P3H1: variants seen among roughly 807,000 people sequenced by gnomAD.
P3H1 encodes prolyl 3-hydroxylase 1, also known as growth suppressor 1.
P3H1 carries 69 observed loss-of-function variants against 84.0 expected under a neutral mutation model. The observed-to-expected ratio is 0.82, with a 90% CI of 0.68 to 1.00. P3H1 has a LOEUF of 1.00. Ranked by LOEUF, P3H1 falls within the 50% of genes least tolerant of loss-of-function variation. P3H1 has a pLI of 0.00. For missense variants in P3H1, 878 were observed against 962.8 expected (o/e 0.91, Z 1.17); for synonymous variants, 366 against 388.8 (o/e 0.94, Z 0.69).
At chr1:42,748,015 C>A (rs983105441) in intron 12 of P3H1, among the ~76,000 whole-genome samples, 185 bp downstream of exon 12, 2 of 152,240 alleles carry the variant, frequency 1.3e-5, no homozygotes, top group Non-Finnish European at 2.9e-5. Context: ...TCTTGTCACA[C>A]CACGATATGA....
rs749427962 is a variant in P3H1, at chr1:42,766,766, C to G, written c.206G>C (p.Arg69Pro). ...GGTGCGGCAGCGCAGGCGAAGGGCG[C>G]GGAGGGCTGCCCGGGAGCGCAGCGC... The part of the protein sequence containing the change: ...ERALRSRAAL[R>P]ALRLRCRTQC... The change falls in exon 1 of 15, where the codon CGC becomes CCC. Residue 69 changes from arginine to proline, a missense_variant. Transcript: ENST00000296388. 3 of 1,593,264 alleles carry G rather than the reference C, an allele frequency of 1.9e-6. No individual in the cohort carries two copies. The African/African-American group carries it at 4.0e-5, about 21-fold the overall frequency.
chr1:42,746,605 C>T lies in P3H1; in HGVS notation c.*92G>A. On this transcript the variant is annotated 3_prime_UTR_variant, in exon 15 of 15. Coordinates refer to ENST00000296388, the MANE Select transcript of P3H1 (RefSeq NM_022356.4). ...CGGCTGAGTGGCAGATGTAGGCTCACTGCTCTGCAGCCCCGAGGGGCTGGC... is the reference window on the plus strand; with the variant it reads ...CGGCTGAGTGGCAGATGTAGGCTCATTGCTCTGCAGCCCCGAGGGGCTGGC... 9.4e-7 allele frequency: 1 copy of T among 1,068,426 alleles called. No homozygotes were observed. The highest frequency in any genetic ancestry group is 1.4e-6 in the Non-Finnish European group (1 of 711,252). 66.2% of individuals were successfully genotyped at this position (1,068,426 alleles called of 1,614,324 possible).
intron 2 of P3H1, chr1:42,761,877 C>A (rs1652736791): frequency 9.5e-6 from 2 of 210,316 alleles, no homozygotes; most frequent in South Asian, 6.9e-5. Context: ...CAAAGTGAGA[C>A]CCTGCCTCAA....
rs1398856392 is a variant in P3H1, at chr1:42,752,298, A to T, written c.1545T>A (p.Gly515=). ...SPHTPNEKFY[G]VTVFKALKLG... ...CCTTGAGGGCTTTGAAGACAGTGAC[A>T]CCATAGAACTTTTCATTGGGAGTAT... The change falls in exon 10 of 15, where the codon GGT becomes GGA. Residue 515 remains glycine, a synonymous_variant. Transcript: ENST00000296388. 1 of 1,613,892 alleles carries T rather than the reference A, an allele frequency of 6.2e-7. No homozygotes were observed. The highest frequency in any genetic ancestry group is 1.1e-5 in the South Asian group (1 of 91,070).
At chr1:42,747,551 A>C in intron 13 of P3H1, 139 bp from the exon 14 acceptor site, 1 of 1,116,532 alleles carries the variant, frequency 9.0e-7, no homozygotes, top group Non-Finnish European at 1.4e-6. Flanking sequence ...CTAAAGAGAA[A>C]GGGTGACTGG....
chr1:42,750,375 G>A (rs752647783), intron 10 of P3H1, 39 bp from the exon 11 acceptor site: 6 of 1,611,984 alleles, frequency 3.7e-6, no homozygotes, highest in Middle Eastern at 1.6e-4. Flanking sequence ...CTCAACGACT[G>A]ATATGGTTTG....
intron 5 of P3H1, among the ~76,000 whole-genome samples, chr1:42,756,156 T>G (rs1028561546): frequency 6.6e-6 from 1 of 152,166 alleles, no homozygotes; most frequent in South Asian, 2.1e-4. Context: ...CTACAGGACA[T>G]GGGAGAGCAG....
chr1:42,746,866 C>A lies in P3H1; in HGVS notation c.2056-14G>T, dbSNP rs1471629112. The stretch of plus-strand genomic sequence containing the variant: ...CTGCACCCTGTCCTGCAAGGACAAA[C>A]CCCTGCCCATTCAGAGAGGCCTCCG... On this transcript the variant is annotated splice_polypyrimidine_tract_variant and intron_variant, in intron 14 of 14. Transcript: ENST00000296388. 5.0e-6 allele frequency: 8 copies of A among 1,614,030 alleles called. No homozygotes were observed. Among genetic ancestry groups the A allele is most frequent in the East Asian group, 4.5e-5 (2 of 44,886 alleles).
chr1:42,766,920 C>G lies in P3H1; in HGVS notation c.52G>C (p.Ala18Pro). The G allele has an allele frequency of 6.2e-7, 1 of 1,609,158 alleles. No homozygotes were observed. Among genetic ancestry groups the G allele is most frequent in the Non-Finnish European group, 8.5e-7 (1 of 1,179,810 alleles). The change falls in exon 1 of 15, where the codon GCT becomes CCT. Residue 18 changes from alanine to proline, a missense_variant. By Grantham distance (27) the Ala-to-Pro change is conservative. Transcript: ENST00000296388. Reference protein sequence around the residue: ...LLTTLLAVVAAASQAEVESEA... With the variant: ...LLTTLLAVVAPASQAEVESEA... ...GACTCGACCTCGGCTTGGGAGGCAG[C>G]GGCCACGACAGCCAGCAGTGTGGTC...
In P3H1 at chr1:42,759,277, G is replaced by T. The variant is rs1320664654; in HGVS notation, c.732C>A (p.Ala244=). 6.2e-7 allele frequency: 1 copy of T among 1,614,034 alleles called. No homozygotes were observed. Among genetic ancestry groups the T allele is most frequent in the African/African-American group, 1.3e-5 (1 of 74,904 alleles). ...EYFVAYEECR[A]LCEGPYDYDG... is the part of the protein sequence containing the mutation. Reference sequence around the variant, plus strand: ...CGTAGTCATAGGGCCCTTCGCAGAGGGCACGGCACTCCTCATAGGCCACAA... The same window carrying T: ...CGTAGTCATAGGGCCCTTCGCAGAGTGCACGGCACTCCTCATAGGCCACAA... The change falls in exon 3 of 15, where the codon GCC becomes GCA. Residue 244 remains alanine (A), a synonymous_variant. Transcript: ENST00000296388.
intron 2 of P3H1, 77 bp from the exon 3 acceptor site, chr1:42,759,467 G>T: frequency 7.6e-7 from 1 of 1,311,582 alleles, no homozygotes; most frequent in Non-Finnish European, 1.1e-6. Flanking sequence ...CACCTTCACA[G>T]GGGTCCTAAT....
At chr1:42,757,680 C>T in intron 5 of P3H1, 103 bp downstream of exon 5, 1 of 1,557,484 alleles carries the variant, frequency 6.4e-7, no homozygotes, top group East Asian at 2.2e-5. Flanking sequence ...ACATCTGGCC[C>T]CTGCCCTGCA....
chr1:42,757,047 C>T (rs966491912), intron 5 of P3H1, among the ~76,000 whole-genome samples: 2 of 152,154 alleles, frequency 1.3e-5, no homozygotes, highest in South Asian at 2.1e-4. Context: ...GTTTATTTCC[C>T]CTCACTCCCC....
Position 42,746,568 on chromosome 1 carries a change from G to A in P3H1, c.*129C>T. On this transcript the variant is annotated 3_prime_UTR_variant, in exon 15 of 15. Transcript: ENST00000296388. Reference sequence around the variant, plus strand: ...AGTAGCACCATGTAGAAGGCTGTGAGCAGGGTCCCCTCGGCTGAGTGGCAG... The same window carrying A: ...AGTAGCACCATGTAGAAGGCTGTGAACAGGGTCCCCTCGGCTGAGTGGCAG... 1 of 737,754 alleles carries A rather than the reference G, an allele frequency of 1.4e-6. No individual in the cohort carries two copies. Among genetic ancestry groups the A allele is most frequent in the Non-Finnish European group, 2.3e-6 (1 of 426,846 alleles). 45.7% of individuals were successfully genotyped at this position (737,754 alleles called of 1,614,324 possible).
At chr1:42,755,333 A>G in intron 6 of P3H1, 116 bp from the exon 7 acceptor site, 1 of 1,110,206 alleles carries the variant, frequency 9.0e-7, no homozygotes, top group Non-Finnish European at 1.4e-6. Context: ...TCTTCCTTTC[A>G]GGAGACAAAA....
intron 5 of P3H1, among the ~76,000 whole-genome samples, chr1:42,757,573 T>C (rs1433250014): frequency 1.3e-5 from 2 of 152,166 alleles, no homozygotes; most frequent in Non-Finnish European, 1.5e-5. Flanking sequence ...ATAACGCTAA[T>C]TGAGGCTCCT....
Position 42,766,699 on chromosome 1 carries a change from C to G in P3H1, c.273G>C (p.Trp91Cys), listed in dbSNP as rs1481553944. 3.3e-6 allele frequency: 5 copies of G among 1,533,846 alleles called. No homozygotes were observed. The South Asian group carries it at 6.2e-5, about 19-fold the overall frequency. Residue 91 changes from tryptophan to cysteine, a missense_variant, in exon 1 of 15, where the codon TGG (tryptophan) becomes TGC (cysteine). Trp to Cys is a radical substitution (Grantham distance 215). Transcript: ENST00000296388. ...CCGAGGCCTGGGCCGGGCTGGGGGA[C>G]CAGTCGGGGTCCAGCTCCCACGGGA... ...ADFPWELDPD[W>C]SPSPAQASGA...
intron 11 of P3H1, among the ~76,000 whole-genome samples, chr1:42,749,675 A>G (rs1295863567): frequency 6.6e-6 from 1 of 152,158 alleles, no homozygotes; most frequent in Non-Finnish European, 1.5e-5. Flanking sequence ...CTCCTGTGCA[A>G]ACACCATCCC....
chr1:42,752,186 C>T (rs1390390742), intron 10 of P3H1, 88 bp downstream of exon 10: 7 of 1,116,100 alleles, frequency 6.3e-6, no homozygotes, highest in East Asian at 2.3e-5. Context: ...ACCTTTCCTG[C>T]CACCAGCCCC....
Sources: allele counts gnomAD v4.1 joint callset (sites outside exome capture counted in the v4.1 genomes callset), GRCh38; gene constraint gnomAD v4.1.1; transcripts MANE v1.5; gene names NCBI Gene and HGNC (gene_info 2026-07-23, HGNC 2026-07-21).